PAQR4: variants seen among roughly 807,000 people sequenced by gnomAD.
PAQR4 encodes the protein progestin and adipoQ receptor family member IV.
PAQR4 carries 26 observed loss-of-function variants against 20.9 expected under a neutral mutation model. That is an observed-to-expected ratio of 1.24 (90% CI 0.91 to 1.73). PAQR4 has a LOEUF of 1.73. PAQR4 is among the 40% of genes most tolerant of loss of function. The probability of loss-of-function intolerance (pLI) is 0.00; values close to 1 mark genes in which losing one functional copy is unlikely to be tolerated. For missense variants in PAQR4, 400 were observed against 380.1 expected, an observed-to-expected ratio of 1.05 and a Z score of -0.44; for synonymous variants, 193 against 171.6, an observed-to-expected ratio of 1.12 and a Z score of -0.97.
chr16:2,971,011 G>A (rs1020586292), intron 1 of PAQR4, 146 bp from the exon 2 acceptor site: 1 of 744,928 alleles, frequency 1.3e-6, no homozygotes, highest in South Asian at 1.8e-5. Flanking sequence ...CTTTTGCCCA[G>A]GGCCTGTCTC....
At position 2,971,918 on chromosome 16, in the gene PAQR4, G is replaced by A; in HGVS notation, c.792G>A (p.Trp264Ter). Residue 264 changes from tryptophan to a stop codon, truncating the protein, a stop_gained, in exon 3 of 3, where the codon TGG becomes TGA. Transcript: ENST00000318782. LOFTEE classifies it high-confidence loss of function. Reference sequence around the variant, plus strand: ...CCGGCGTCGTGCCCGACCTGCTCTGGGCTGCCCACCACGCCTGTCCCCGGG... The same window carrying A: ...CCGGCGTCGTGCCCGACCTGCTCTGAGCTGCCCACCACGCCTGTCCCCGGG... ...LHAGVVPDLLWAAHHACPRD is the reference protein window; with the variant it reads ...LHAGVVPDLL 6 of 1,601,066 alleles carry A rather than the reference G, an allele frequency of 3.7e-6. No individual in the cohort carries two copies. The highest frequency in any genetic ancestry group is 1.7e-4 in the Middle Eastern group (1 of 5,784).
At position 2,969,787 on chromosome 16, in the gene PAQR4, G is replaced by A. The variant is rs773901953; in HGVS notation, c.113G>A (p.Cys38Tyr). The A allele has an allele frequency of 1.2e-6, 2 of 1,604,788 alleles. No homozygotes were observed. The highest frequency in any genetic ancestry group is 1.1e-5 in the South Asian group (1 of 90,504). The change falls in exon 1 of 3, where the codon TGC becomes TAC. Residue 38 changes from cysteine (C) to tyrosine (Y), a missense_variant. By Grantham distance (194) the Cys-to-Tyr change is radical. Coordinates refer to ENST00000318782, the MANE Select transcript of PAQR4 (RefSeq NM_152341.5). ...CGGCCCGCCAGCAGCGGCTCGGGCT[G>A]CCTGCGCAGCCTCTTCTACCTGCAC... ...GYRPASSGSG[C>Y]LRSLFYLHNE...
chr16:2,970,662 C>T (rs937031501), intron 1 of PAQR4, among the ~76,000 whole-genome samples: 1 of 152,218 alleles, frequency 6.6e-6, no homozygotes, highest in African/African-American at 2.4e-5. Context: ...TAAAAAGGCC[C>T]AGTGCCTCCA....
chr16:2,971,806 G>A lies in PAQR4; in HGVS notation c.680G>A (p.Arg227His), dbSNP rs750740617. ...GTAAATGTAGCCCGTCTGCCCGAGCGCTGGGGACCTGGCCGCTTTGACTAC... is the reference window on the plus strand; with the variant it reads ...GTAAATGTAGCCCGTCTGCCCGAGCACTGGGGACCTGGCCGCTTTGACTAC... Reference protein sequence around the residue: ...GLVNVARLPERWGPGRFDYWG... With the variant: ...GLVNVARLPEHWGPGRFDYWG... The change falls in exon 3 of 3, where the codon CGC becomes CAC. Residue 227 changes from arginine to histidine, a missense_variant. By Grantham distance (29) the Arg-to-His change is conservative. Coordinates refer to ENST00000318782, the MANE Select transcript of PAQR4 (RefSeq NM_152341.5). 3.3e-5 allele frequency: 53 copies of A among 1,612,686 alleles called. 1 individual carries two copies. The highest frequency in any genetic ancestry group is 1.2e-4 in the South Asian group (11 of 91,094).
In PAQR4 at chr16:2,971,554, C is replaced by G; in HGVS notation, c.428C>G (p.Pro143Arg). The G allele has an allele frequency of 6.3e-7, 1 of 1,595,382 alleles. No homozygotes were observed. Among genetic ancestry groups the G allele is most frequent in the Non-Finnish European group, 8.5e-7 (1 of 1,176,678 alleles). Residue 143 changes from proline to arginine, a missense_variant, in exon 3 of 3, where the codon CCC becomes CGC. Coordinates refer to ENST00000318782, the MANE Select transcript of PAQR4 (RefSeq NM_152341.5). ...PIIHCTLACR[P>R]WLRPAALVGY... ...ATCCACTGCACCCTGGCCTGCAGGC[C>G]CTGGCTGCGCCCGGCTGCCCTGGTG... is the stretch of plus-strand genomic sequence containing the variant.
At position 2,971,918 on chromosome 16, in the gene PAQR4, G is replaced by C. The variant is rs141132998; in HGVS notation, c.792G>C (p.Trp264Cys). 6.9e-4 allele frequency: 1,097 copies of C among 1,601,066 alleles called. 1 individual carries two copies. Among genetic ancestry groups the C allele is most frequent in the Admixed American group, 1.7e-3 (100 of 59,848 alleles). The change falls in exon 3 of 3, where the codon TGG becomes TGC. Residue 264 changes from tryptophan to cysteine, a missense_variant. By Grantham distance (215) the Trp-to-Cys change is radical (BLOSUM62 -2). Transcript: ENST00000318782. ...CCGGCGTCGTGCCCGACCTGCTCTG[G>C]GCTGCCCACCACGCCTGTCCCCGGG... is the stretch of plus-strand genomic sequence containing the variant. ...LHAGVVPDLL[W>C]AAHHACPRD
Position 2,970,856 on chromosome 16 carries a change from G to C in PAQR4, c.167-301G>C, listed in dbSNP as rs1016122306. 4 of 564,078 alleles carry C rather than the reference G, an allele frequency of 7.1e-6. No homozygotes were observed. In the African/African-American group the frequency reaches 7.5e-5, roughly 11 times the overall value. The allele number at this position is 564,078 out of a possible 1,614,324, so 34.9% of individuals were successfully genotyped here. A position where few individuals can be genotyped will look rare whatever the true frequency, so the allele number is the denominator to read the frequency against. ...TGTGGGAGTGGGACGGCCTAGGCCT[G>C]TCCTCTGCCATTGCTTACCTGCTGG... On this transcript the variant is annotated intron_variant, in intron 1 of 2. Coordinates refer to ENST00000318782, the MANE Select transcript of PAQR4 (RefSeq NM_152341.5).
intron 2 of PAQR4, 31 bp from the exon 3 acceptor site, chr16:2,971,484 A>G (rs775645843): frequency 2.5e-6 from 4 of 1,574,720 alleles, no homozygotes; most frequent in African/African-American, 1.3e-5. Flanking sequence ...TCACAATGAC[A>G]TGCCCTCTCC....
chr16:2,972,119 C>A lies in PAQR4; in HGVS notation c.*171C>A, dbSNP rs866156525. ...GTGGACTGACCTCTTCCACCCACGC[C>A]GTGGCGCTCCAACTTCCTTCCCTGC... On this transcript the variant is annotated 3_prime_UTR_variant, in exon 3 of 3. Coordinates refer to ENST00000318782, the MANE Select transcript of PAQR4 (RefSeq NM_152341.5). The A allele has an allele frequency of 1.5e-6, 1 of 649,594 alleles. No homozygotes were observed. The highest frequency in any genetic ancestry group is 2.5e-6 in the Non-Finnish European group (1 of 395,854). The allele number at this position is 649,594 out of a possible 1,614,324, so 40.2% of individuals were successfully genotyped here.
Position 2,973,095 on chromosome 16 carries a change from C to T in PAQR4, c.*1147C>T, listed in dbSNP as rs141428002. 1.9e-6 allele frequency: 3 copies of T among 1,574,916 alleles called. No individual in the cohort carries two copies. The highest frequency in any genetic ancestry group is 1.2e-5 in the South Asian group (1 of 86,454). On this transcript the variant is annotated 3_prime_UTR_variant, in exon 3 of 3. Coordinates refer to ENST00000318782, the MANE Select transcript of PAQR4 (RefSeq NM_152341.5). Reference sequence around the variant, plus strand: ...AGGAGAGAGTAGTGACACTCAGGATCCAAAAGCTAGCCCTGCCCACCCCAG... The same window carrying T: ...AGGAGAGAGTAGTGACACTCAGGATTCAAAAGCTAGCCCTGCCCACCCCAG...
chr16:2,971,694 G>A lies in PAQR4; in HGVS notation c.568G>A (p.Ala190Thr), dbSNP rs2071997437. 6.2e-7 allele frequency: 1 copy of A among 1,612,150 alleles called. No homozygotes were observed. The highest frequency in any genetic ancestry group is 1.1e-5 in the South Asian group (1 of 91,072). The change falls in exon 3 of 3, where the codon GCC becomes ACC. Residue 190 changes from alanine (A) to threonine (T), a missense_variant. Ala to Thr is a moderately conservative substitution (Grantham distance 58). Coordinates refer to ENST00000318782, the MANE Select transcript of PAQR4 (RefSeq NM_152341.5). ...TGCTGCCCGCCTACTGGTATTTGGG[G>A]CCCGGGGAGTGGGTCTGGGTTCAGG... ...QAAARLLVFG[A>T]RGVGLGSGAP... is the part of the protein sequence containing the mutation.
chr16:2,970,060 A>T (rs2071939747), intron 1 of PAQR4: 1 of 610,470 alleles, frequency 1.6e-6, no homozygotes, highest in African/African-American at 2.0e-5. Flanking sequence ...AGGGGAGCAG[A>T]GTAGGGTCTG....
Position 2,972,412 on chromosome 16 carries a change from C to T in PAQR4, c.*464C>T. 1.7e-6 allele frequency: 1 copy of T among 573,870 alleles called. No individual in the cohort carries two copies. The highest frequency in any genetic ancestry group is 3.0e-6 in the Non-Finnish European group (1 of 328,076). 35.5% of individuals were successfully genotyped at this position (573,870 alleles called of 1,614,324 possible). On this transcript the variant is annotated 3_prime_UTR_variant, in exon 3 of 3. Coordinates refer to ENST00000318782, the MANE Select transcript of PAQR4 (RefSeq NM_152341.5). ...CTCCCAGCAGCCACAAGCTTGCCCGCCCTGGCTCCCTCTGCCCAGAGACTA... is the reference window on the plus strand; with the variant it reads ...CTCCCAGCAGCCACAAGCTTGCCCGTCCTGGCTCCCTCTGCCCAGAGACTA...
Position 2,969,756 on chromosome 16 carries a change from G to C in PAQR4, c.82G>C (p.Gly28Arg), listed in dbSNP as rs1294929129. Residue 28 changes from glycine (G) to arginine (R), a missense_variant, in exon 1 of 3, where the codon GGG becomes CGG. Gly to Arg is a moderately radical substitution (Grantham distance 125). Coordinates refer to ENST00000318782, the MANE Select transcript of PAQR4 (RefSeq NM_152341.5). ...HLQFNKFVLTGYRPASSGSGC... is the reference protein window; with the variant it reads ...HLQFNKFVLTRYRPASSGSGC... ...GCAGTTCAATAAGTTCGTGCTGACCGGGTACCGGCCCGCCAGCAGCGGCTC... is the reference window on the plus strand; with the variant it reads ...GCAGTTCAATAAGTTCGTGCTGACCCGGTACCGGCCCGCCAGCAGCGGCTC... The C allele has an allele frequency of 1.9e-6, 3 of 1,610,838 alleles. No homozygotes were observed. The highest frequency in any genetic ancestry group is 1.1e-5 in the South Asian group (1 of 91,046).
In PAQR4 at chr16:2,971,774, G is replaced by T. The variant is rs554841622; in HGVS notation, c.648G>T (p.Gly216=). Residue 216 remains glycine (G), a synonymous_variant, in exon 3 of 3, where the codon GGG becomes GGT. Transcript: ENST00000318782. The stretch of plus-strand genomic sequence containing the variant: ...GCATGGACGCACTGGCGCTGCTTGG[G>T]GGACTGGTAAATGTAGCCCGTCTGC... ...YLRMDALALL[G]GLVNVARLPE... is the part of the protein sequence containing the mutation. The T allele has an allele frequency of 3.7e-6, 6 of 1,612,974 alleles. No individual in the cohort carries two copies. The East Asian group carries it at 1.1e-4, about 30-fold the overall frequency.
chr16:2,969,929 C>A, intron 1 of PAQR4, 89 bp downstream of exon 1: 2 of 1,541,026 alleles, frequency 1.3e-6, no homozygotes, highest in South Asian at 1.2e-5. Context: ...AGGGCCCCAG[C>A]GCCCAAGTCC....
Position 2,971,672 on chromosome 16 carries a change from T to C in PAQR4, c.546T>C (p.Ala182=), listed in dbSNP as rs1224972486. The part of the protein sequence containing the change: ...ARLRAFGWQA[A]ARLLVFGARG... ...TCCGGGCATTTGGATGGCAGGCTGCTGCCCGCCTACTGGTATTTGGGGCCC... is the reference window on the plus strand; with the variant it reads ...TCCGGGCATTTGGATGGCAGGCTGCCGCCCGCCTACTGGTATTTGGGGCCC... Residue 182 remains alanine, a synonymous_variant, in exon 3 of 3, where the codon GCT becomes GCC. Transcript: ENST00000318782. 6.2e-7 allele frequency: 1 copy of C among 1,611,568 alleles called. No individual in the cohort carries two copies. Among genetic ancestry groups the C allele is most frequent in the Admixed American group, 1.7e-5 (1 of 60,008 alleles).
rs4149806 is a variant in PAQR4 at position 2,972,792 on chromosome 16, T to G, written c.*844T>G. The G allele has an allele frequency of 4.9e-4, 750 of 1,540,376 alleles. 5 individuals are homozygous for G. In the African/African-American group the frequency reaches 9.1e-3, roughly 19 times the overall value. On this transcript the variant is annotated 3_prime_UTR_variant, in exon 3 of 3. Coordinates refer to ENST00000318782, the MANE Select transcript of PAQR4 (RefSeq NM_152341.5). ...AATAAAGGGACAGGAAGGGCCATGT[T>G]GCCACATGAGCAAGCTTGGGTGCTC...
In PAQR4 at chr16:2,969,557, CG is replaced by C; in HGVS notation, c.-117del. 1 of 1,200,328 alleles carries C rather than the reference CG, an allele frequency of 8.3e-7. No individual in the cohort carries two copies. The highest frequency in any genetic ancestry group is 1.1e-6 in the Non-Finnish European group (1 of 926,824). The allele number at this position is 1,200,328 out of a possible 1,614,324, so 74.4% of individuals were successfully genotyped here. ...GCGCGTGCGCCGATCGAGCGCAGGG[CG>C]ATGGGTGGGCGCCGGGCGCCGGGCG... On this transcript the variant is annotated 5_prime_UTR_variant, in exon 1 of 3. Transcript: ENST00000318782.
Sources: gnomAD v4.1 joint callset for allele counts (sites outside exome capture counted in the v4.1 genomes callset) on GRCh38, gnomAD v4.1.1 for gene constraint, MANE v1.5 for transcripts, NCBI Gene and HGNC (gene_info 2026-07-23, HGNC 2026-07-21) for gene names.